Variants in UBE2G1 observed in about 807,000 individuals in gnomAD.
UBE2G1 encodes the protein ubiquitin-conjugating enzyme E2 G1.
Under a neutral mutation model 22.7 loss-of-function variants are expected in UBE2G1, and 5 were observed. The ratio of observed to expected loss-of-function variants is 0.22; its 90% CI spans 0.12 to 0.46. The LOEUF is 0.46. Among genes scored for constraint, UBE2G1 ranks in the 20% least tolerant of loss-of-function variants. UBE2G1 has a pLI of 0.99. For missense variants in UBE2G1, 88 were observed against 203.9 expected (o/e 0.43, Z 3.46); for synonymous variants, 74 against 67.5 (o/e 1.10, Z -0.47).
intron 1 of UBE2G1, among the ~76,000 whole-genome samples, chr17:4,324,344 T>A (rs896098258): frequency 2.0e-5 from 3 of 152,198 alleles, no homozygotes; most frequent in African/African-American, 7.2e-5. Flanking sequence ...AAATATAAAC[T>A]GGATTTTTGA....
chr17:4,357,636 C>T (rs956517047), intron 1 of UBE2G1, among the ~76,000 whole-genome samples: 2 of 151,928 alleles, frequency 1.3e-5, no homozygotes, highest in African/African-American at 2.4e-5. Context: ...CCACATATCC[C>T]TCATGTCCCT....
intron 1 of UBE2G1, among the ~76,000 whole-genome samples, chr17:4,321,732 C>A (rs1294062091): frequency 2.0e-5 from 3 of 152,000 alleles, no homozygotes; most frequent in African/African-American, 4.8e-5. Flanking sequence ...AGCTCGCCCC[C>A]CAACCCTGCC....
chr17:4,300,493 A>G (rs561672524), intron 2 of UBE2G1, among the ~76,000 whole-genome samples: 1 of 152,136 alleles, frequency 6.6e-6, no homozygotes, highest in South Asian at 2.1e-4. Flanking sequence ...CAATGAGCCA[A>G]GATTGTGCCA....
intron 5 of UBE2G1, among the ~76,000 whole-genome samples, chr17:4,278,639 T>C (rs190480517): frequency 1.6e-4 from 24 of 152,324 alleles, no homozygotes; most frequent in African/African-American, 5.8e-4. Context: ...GATGTATATT[T>C]AATTCAATTT....
At position 4,366,307 on chromosome 17, in the gene UBE2G1, G is replaced by T; in HGVS notation, c.10C>A (p.Leu4Met). The change falls in exon 1 of 6, where the codon CTG becomes ATG. Residue 4 changes from leucine to methionine, a missense_variant. By Grantham distance (15) the Leu-to-Met change is conservative (BLOSUM62 2). This residue lies in a region of UBE2G1 where 50 missense variants were observed against 71.0 expected (regional missense o/e 0.70). Coordinates refer to ENST00000396981, the MANE Select transcript of UBE2G1 (RefSeq NM_003342.5). ...CTTCGCAGTAGCAGTGCCGACTGCA[G>T]CTCCGTCATCCTCCCTGCCGAGGGC... Reference protein sequence around the residue: MTELQSALLLRRQL... With the variant: MTEMQSALLLRRQL... 6.4e-7 allele frequency: 1 copy of T among 1,552,010 alleles called. No homozygotes were observed.
chr17:4,343,078 G>A (rs1969729268), intron 1 of UBE2G1, among the ~76,000 whole-genome samples: 1 of 151,974 alleles, frequency 6.6e-6, no homozygotes, highest in Non-Finnish European at 1.5e-5. Context: ...TTTACCATCT[G>A]TCTTCCCACA....
intron 1 of UBE2G1, among the ~76,000 whole-genome samples, chr17:4,364,689 C>T (rs1049500323): frequency 2.6e-5 from 4 of 152,056 alleles, no homozygotes; most frequent in Non-Finnish European, 5.9e-5. Flanking sequence ...AAGCAATTCT[C>T]CCGCCTCAGC....
At chr17:4,302,592 T>C (rs1455646530) in intron 2 of UBE2G1, 1 of 396,790 alleles carries the variant, frequency 2.5e-6, no homozygotes, top group African/African-American at 2.1e-5. Flanking sequence ...TGTGATTCTA[T>C]GTGACTTTTA....
chr17:4,304,469 T>A (rs985519076), intron 2 of UBE2G1, among the ~76,000 whole-genome samples: 25 of 152,322 alleles, frequency 1.6e-4, no homozygotes, highest in African/African-American at 5.1e-4. Context: ...CTGGAAAGAC[T>A]CATTAATAAA....
chr17:4,305,130 T>C (rs1969234356), intron 2 of UBE2G1, among the ~76,000 whole-genome samples: 1 of 152,024 alleles, frequency 6.6e-6, no homozygotes, highest in African/African-American at 2.4e-5. Flanking sequence ...ATTTTTTGTA[T>C]TTTTAGTAGA....
intron 1 of UBE2G1, among the ~76,000 whole-genome samples, chr17:4,351,199 TA>T (rs1286644541): frequency 6.6e-6 from 1 of 151,726 alleles, no homozygotes; most frequent in African/African-American, 2.4e-5. Context: ...GGGGAAAGGT[TA>T]AAAATAAGAG....
At chr17:4,339,939 T>C (rs570167768) in intron 1 of UBE2G1, among the ~76,000 whole-genome samples, 2 of 152,332 alleles carry the variant, frequency 1.3e-5, no homozygotes, top group South Asian at 4.1e-4. Context: ...TTTTCCTTCT[T>C]TTGATGGAGT....
intron 1 of UBE2G1, among the ~76,000 whole-genome samples, chr17:4,362,375 G>C (rs1291024536): frequency 1.3e-5 from 2 of 152,174 alleles, no homozygotes; most frequent in Non-Finnish European, 2.9e-5. Context: ...TGGCAATGGA[G>C]ACATTTATGG....
chr17:4,278,514 G>A (rs1968847329), intron 5 of UBE2G1, among the ~76,000 whole-genome samples: 1 of 152,166 alleles, frequency 6.6e-6, no homozygotes, highest in African/African-American at 2.4e-5. Context: ...AGCTGTCCTG[G>A]GATACATGTG....
chr17:4,273,010 A>C (rs974521796), intron 5 of UBE2G1, among the ~76,000 whole-genome samples: 1 of 152,228 alleles, frequency 6.6e-6, no homozygotes. Flanking sequence ...GCTAAATTCT[A>C]TCTAACTCAC....
intron 1 of UBE2G1, among the ~76,000 whole-genome samples, chr17:4,329,904 G>A (rs1969551439): frequency 6.6e-6 from 1 of 151,670 alleles, no homozygotes; most frequent in Admixed American, 6.6e-5. Flanking sequence ...ACTATCACCA[G>A]TAGCAGTTCC....
intron 1 of UBE2G1, among the ~76,000 whole-genome samples, chr17:4,330,037 G>T (rs1014718539): frequency 8.4e-4 from 127 of 152,068 alleles, no homozygotes; most frequent in African/African-American, 2.8e-3. Flanking sequence ...CCAGAGCCAT[G>T]AGTTATTGCA....
chr17:4,337,865 G>C (rs1969667232), intron 1 of UBE2G1, among the ~76,000 whole-genome samples: 2 of 152,020 alleles, frequency 1.3e-5, no homozygotes, highest in Admixed American at 1.3e-4. Context: ...GAAGCCTGCA[G>C]AATTAATTCT....
intron 1 of UBE2G1, among the ~76,000 whole-genome samples, chr17:4,359,650 G>C (rs1429683811): frequency 6.6e-6 from 1 of 152,136 alleles, no homozygotes; most frequent in Admixed American, 6.5e-5. Flanking sequence ...GCAGGCCAAG[G>C]AGACCATCCT....
Sources: gnomAD v4.1 joint callset for allele counts (sites outside exome capture counted in the v4.1 genomes callset) on GRCh38, gnomAD v4.1.1 for gene constraint, gnomAD v4.1.1 regional missense constraint, MANE v1.5 for transcripts, NCBI Gene and HGNC (gene_info 2026-07-23, HGNC 2026-07-21) for gene names.